Variants in TTC13 observed in about 807,000 individuals in gnomAD.
TTC13 encodes the protein tetratricopeptide repeat domain 13.
A neutral mutation model predicts 120.0 loss-of-function variants in TTC13; 62 were observed. The ratio of observed to expected loss-of-function variants is 0.52; its 90% CI spans 0.42 to 0.64. The LOEUF (loss-of-function observed/expected upper bound fraction) is 0.64, where lower values mean the gene tolerates loss of function less well. Ranked by LOEUF, TTC13 falls within the 30% of genes least tolerant of loss-of-function variation. TTC13 has a pLI of 0.00. For missense variants in TTC13, 824 were observed against 1,050.2 expected (o/e 0.78, Z 2.98); for synonymous variants, 384 against 393.5 (o/e 0.98, Z 0.28).
intron 4 of TTC13, among the ~76,000 whole-genome samples, chr1:230,951,395 C>T (rs1010020229): frequency 2.0e-5 from 3 of 151,738 alleles, no homozygotes; most frequent in Non-Finnish European, 4.4e-5. Flanking sequence ...AAAAGATTGC[C>T]AAGAGTTAAT....
chr1:230,967,867 G>A (rs1228892742), intron 1 of TTC13, among the ~76,000 whole-genome samples: 1 of 152,176 alleles, frequency 6.6e-6, no homozygotes, highest in African/African-American at 2.4e-5. Flanking sequence ...AAAAGCATTA[G>A]TTTTCTTCCT....
chr1:230,956,631 T>C (rs1558212033), intron 3 of TTC13: 1 of 332,954 alleles, frequency 3.0e-6, no homozygotes, highest in East Asian at 9.2e-5. Flanking sequence ...TTTTGTACTT[T>C]AGGAACATAT....
intron 1 of TTC13, among the ~76,000 whole-genome samples, chr1:230,965,534 G>C (rs773104429): frequency 1.3e-5 from 2 of 152,214 alleles, no homozygotes; most frequent in African/African-American, 4.8e-5. Flanking sequence ...ATGTAAATTA[G>C]CAGAACCACG....
intron 4 of TTC13, among the ~76,000 whole-genome samples, chr1:230,947,030 C>T (rs1227458134): frequency 4.0e-5 from 6 of 151,836 alleles, no homozygotes. Flanking sequence ...AGATATATTC[C>T]CACTGTACTT....
At chr1:230,913,878 C>A (rs1671751267) in intron 18 of TTC13, among the ~76,000 whole-genome samples, 1 of 152,068 alleles carries the variant, frequency 6.6e-6, no homozygotes, top group Non-Finnish European at 1.5e-5. Context: ...GGAGATGGTC[C>A]AGGTCAAGCA....
At position 230,944,865 on chromosome 1, in the gene TTC13, C is replaced by T. The variant is rs1303164851; in HGVS notation, c.579+524G>A. Among the ~76,000 whole-genome samples, 2 of 152,104 alleles carry T rather than the reference C, an allele frequency of 1.3e-5. No individual in the cohort carries two copies. Among genetic ancestry groups the T allele is most frequent in the African/African-American group, 4.8e-5 (2 of 41,418 alleles). On this transcript the variant is annotated intron_variant, in intron 5 of 22. Transcript: ENST00000366661. This position sits in a 1 kb window ranked among gnomAD's most constrained non-coding sequence, Gnocchi z 4.0. ...TTTACTATATAATTTCAGGAGTCTTCATTTTTATACCATAGTACCTTTGTT... is the reference window on the plus strand; with the variant it reads ...TTTACTATATAATTTCAGGAGTCTTTATTTTTATACCATAGTACCTTTGTT...
In TTC13 at chr1:230,944,494, C is replaced by T. The variant is rs6703153; in HGVS notation, c.580-596G>A. ...CTACTGCAACTTCAACCTGGTCATT[C>T]ATTGATGCTCTGAGTAAAATATCAT... On this transcript the variant is annotated intron_variant, in intron 5 of 22. Transcript: ENST00000366661. The surrounding 1 kb of genome is among the most constrained non-coding windows in gnomAD (Gnocchi z 4.0). 0.88 allele frequency among the ~76,000 whole-genome samples: 133,689 copies of T among 152,196 alleles called. 58,710 individuals carry two copies. The highest frequency in any genetic ancestry group is 0.98 in the East Asian group (5,076 of 5,186).
At chr1:230,929,246 G>A (rs1446237016) in intron 11 of TTC13, among the ~76,000 whole-genome samples, 153 bp from the exon 12 acceptor site, 8 of 152,030 alleles carry the variant, frequency 5.3e-5, no homozygotes, top group Non-Finnish European at 1.2e-4. Flanking sequence ...ATTAGTATAT[G>A]ATAGAGGTAA....
At position 230,920,607 on chromosome 1, in the gene TTC13, C is replaced by G; in HGVS notation, c.1899-13G>C. On this transcript the variant is annotated splice_polypyrimidine_tract_variant and intron_variant, in intron 16 of 22. Coordinates refer to ENST00000366661, the MANE Select transcript of TTC13 (RefSeq NM_024525.5). The stretch of plus-strand genomic sequence containing the variant: ...AGGATTATTAGCTCTTAAAGAGAGA[C>G]AGAGAGAGATGGCAACTGAGATTAA... 6.7e-7 allele frequency: 1 copy of G among 1,496,300 alleles called. No homozygotes were observed. Among genetic ancestry groups the G allele is most frequent in the African/African-American group, 1.4e-5 (1 of 70,366 alleles). 92.7% of individuals were successfully genotyped at this position (1,496,300 alleles called of 1,614,324 possible).
intron 6 of TTC13, among the ~76,000 whole-genome samples, chr1:230,941,265 T>C (rs1674513053): frequency 2.0e-5 from 3 of 152,172 alleles, no homozygotes; most frequent in Non-Finnish European, 4.4e-5. Flanking sequence ...CCAAGCACTT[T>C]ATCCTGAATG....
At chr1:230,977,138 TCTGAGAAAATGAG>T (rs1678397949) in intron 1 of TTC13, among the ~76,000 whole-genome samples, 1 of 152,194 alleles carries the variant, frequency 6.6e-6, no homozygotes, top group East Asian at 1.9e-4. Flanking sequence ...AGTTTGTTCA[TCTGAGAAAATGAG>T]CCACCATCTA....
At chr1:230,943,611 A>C (rs1674718072) in intron 6 of TTC13, among the ~76,000 whole-genome samples, 195 bp downstream of exon 6, 1 of 152,204 alleles carries the variant, frequency 6.6e-6, no homozygotes, top group Non-Finnish European at 1.5e-5. Flanking sequence ...TTACTCTTCT[A>C]TGTTAGTTCA....
Position 230,940,519 on chromosome 1 carries a change from T to C in TTC13, c.710A>G (p.Asn237Ser). The change falls in exon 7 of 23, where the codon AAT (asparagine) becomes AGT (serine). Residue 237 changes from asparagine to serine, a missense_variant. Asn to Ser is a conservative substitution (Grantham distance 46, BLOSUM62 1). Around this residue, in one of 4 missense-constraint regions of TTC13, gnomAD observed 430 missense variants for 626.8 expected, o/e 0.69. Coordinates refer to ENST00000366661, the MANE Select transcript of TTC13 (RefSeq NM_024525.5). This position sits in a 1 kb window ranked among gnomAD's most constrained non-coding sequence, Gnocchi z 4.1. ...SPLGRINEAV[N>S]DLTKAIQLQP... is the part of the protein sequence containing the mutation. ...CAGTTGGATAGCTTTAGTGAGGTCA[T>C]TCACTGCTTCATTAATTCGTCCCAG... 1.9e-6 allele frequency: 3 copies of C among 1,613,402 alleles called. No individual in the cohort carries two copies. Among genetic ancestry groups the C allele is most frequent in the East Asian group, 2.2e-5 (1 of 44,874 alleles).
rs1416311745 is a variant in TTC13 at position 230,978,221 on chromosome 1, G to A, written c.271+339C>T. Among the ~76,000 whole-genome samples the A allele has an allele frequency of 6.6e-6, 1 of 152,104 alleles. No individual in the cohort carries two copies. Among genetic ancestry groups the A allele is most frequent in the Non-Finnish European group, 1.5e-5 (1 of 68,000 alleles). On this transcript the variant is annotated intron_variant, in intron 1 of 22. Coordinates refer to ENST00000366661, the MANE Select transcript of TTC13 (RefSeq NM_024525.5). This position sits in a 1 kb window ranked among gnomAD's most constrained non-coding sequence, Gnocchi z 5.6. ...CTTCGGCATCCTCGGGAGGCCGGCGGCGGGAACAGGGCTGCCCCGGGCCAC... is the reference window on the plus strand; with the variant it reads ...CTTCGGCATCCTCGGGAGGCCGGCGACGGGAACAGGGCTGCCCCGGGCCAC...
chr1:230,936,308 G>T (rs1004264218), intron 8 of TTC13: 2 of 449,768 alleles, frequency 4.4e-6, no homozygotes, highest in Admixed American at 4.9e-5. Flanking sequence ...TTAAGGCGTT[G>T]GGAACAAAGA....
At chr1:230,973,086 T>C (rs1677925694) in intron 1 of TTC13, among the ~76,000 whole-genome samples, 1 of 152,030 alleles carries the variant, frequency 6.6e-6, no homozygotes, top group African/African-American at 2.4e-5. Context: ...ACACAGAAAA[T>C]CAGGGCCAGG....
chr1:230,924,286 A>G (rs1329445492), intron 14 of TTC13, among the ~76,000 whole-genome samples: 1 of 152,232 alleles, frequency 6.6e-6, no homozygotes, highest in East Asian at 1.9e-4. Flanking sequence ...GACTGTTTCT[A>G]AAATGCTTCA....
chr1:230,931,779 A>G lies in TTC13; in HGVS notation c.1082T>C (p.Leu361Pro), dbSNP rs757247543. The G allele has an allele frequency of 3.7e-6, 6 of 1,614,172 alleles. No individual in the cohort carries two copies. ...TTCCTGTAAGCTGCCGTGGTGGTAG[A>G]GCATCATTCCCCGGAGCTGGAGGGT... ...VQTLQLRGMMLYHHGSLQEAL... is the reference protein window; with the variant it reads ...VQTLQLRGMMPYHHGSLQEAL... The change falls in exon 10 of 23, where the codon CTC becomes CCC. Residue 361 changes from leucine to proline, a missense_variant. Physicochemically the swap from Leu to Pro is moderately conservative, Grantham distance 98. This residue lies in a region of TTC13 where 430 missense variants were observed against 626.8 expected (regional missense o/e 0.69). Transcript: ENST00000366661.
intron 1 of TTC13, among the ~76,000 whole-genome samples, chr1:230,967,541 C>A (rs111723115): frequency 1.3e-5 from 2 of 152,040 alleles, no homozygotes; most frequent in African/African-American, 4.8e-5. Context: ...TCAAGTTGAA[C>A]CATCTGTGTA....
Sources: gnomAD v4.1 joint callset for allele counts (sites outside exome capture counted in the v4.1 genomes callset) on GRCh38, gnomAD v4.1.1 for gene constraint, gnomAD v4.1.1 regional missense constraint, Gnocchi (gnomAD v3.1) non-coding constraint, MANE v1.5 for transcripts, NCBI Gene and HGNC (gene_info 2026-07-23, HGNC 2026-07-21) for gene names.